ZMYND11: variants seen among roughly 807,000 people sequenced by gnomAD.
The protein encoded by ZMYND11 is zinc finger MYND-type containing 11.
ZMYND11 carries 9 observed loss-of-function variants against 84.9 expected under a neutral mutation model. That is an observed-to-expected ratio of 0.11 (90% confidence interval 0.06 to 0.18). The LOEUF is 0.18. ZMYND11 is among the 10% of genes least tolerant of loss of function. The pLI, the probability that ZMYND11 is intolerant of heterozygous loss-of-function variation, is 1.00. For synonymous variants in ZMYND11, 250 were observed against 244.1 expected, an observed-to-expected ratio of 1.02 and a Z score of -0.23; for missense variants, 409 against 761.0, an observed-to-expected ratio of 0.54 and a Z score of 5.44.
intron 2 of ZMYND11, among the ~76,000 whole-genome samples, chr10:208,269 A>G (rs1944545584): frequency 2.0e-5 from 3 of 152,380 alleles, no homozygotes; most frequent in Admixed American, 1.3e-4. Context: ...ACCAAAAGCA[A>G]TGGCAACAAA....
At chr10:180,546 C>G (rs755575442) in intron 2 of ZMYND11, among the ~76,000 whole-genome samples, 2 of 152,094 alleles carry the variant, frequency 1.3e-5, no homozygotes, top group Non-Finnish European at 2.9e-5. Context: ...ATTACAGGCA[C>G]CCGCCACCAC....
chr10:201,237 TTA>T (rs925755511), intron 2 of ZMYND11, among the ~76,000 whole-genome samples: 4 of 152,084 alleles, frequency 2.6e-5, no homozygotes. Context: ...TAAAATAAAT[TTA>T]TGTTACCATC....
At position 239,204 on chromosome 10, in the gene ZMYND11, T is replaced by C. The variant is rs191813293; in HGVS notation, c.610-234T>C. Among the ~76,000 whole-genome samples the C allele has an allele frequency of 7.2e-5, 11 of 152,348 alleles. No individual in the cohort carries two copies. The East Asian group carries it at 1.7e-3, about 24-fold the overall frequency. Reference sequence around the variant, plus strand: ...ATTAAAGTTCACTCTGATAAATTAATGTAGTGTCTTTGTGGCTGCGGGATA... The same window carrying C: ...ATTAAAGTTCACTCTGATAAATTAACGTAGTGTCTTTGTGGCTGCGGGATA... On this transcript the variant is annotated intron_variant, in intron 6 of 14. Transcript: ENST00000381604.
chr10:252,535 A>G lies in ZMYND11; in HGVS notation c.*65A>G. ...TCAGACACAGCGGTTTTTGTTTCCA[A>G]GAAGCCAAAATTGTTTAGAATTTGC... On this transcript the variant is annotated 3_prime_UTR_variant, in exon 15 of 15. Transcript: ENST00000381604. This position sits in a 1 kb window ranked among gnomAD's most constrained non-coding sequence, Gnocchi z 4.6. 3 of 1,531,198 alleles carry G rather than the reference A, an allele frequency of 2.0e-6. No individual in the cohort carries two copies. The highest frequency in any genetic ancestry group is 3.9e-5 in the Admixed American group (2 of 50,656). The allele number at this position is 1,531,198 out of a possible 1,614,324, so 94.9% of individuals were successfully genotyped here. A position where few individuals can be genotyped will look rare whatever the true frequency, so the allele number is the denominator to read the frequency against.
At chr10:167,176 C>G (rs1287819558) in intron 1 of ZMYND11, among the ~76,000 whole-genome samples, 1 of 152,044 alleles carries the variant, frequency 6.6e-6, no homozygotes, top group Non-Finnish European at 1.5e-5. Context: ...TTGCAAAACA[C>G]TGGGAATGTA....
intron 2 of ZMYND11, among the ~76,000 whole-genome samples, chr10:207,318 T>C (rs1944375973): frequency 6.6e-6 from 1 of 152,244 alleles, no homozygotes; most frequent in Non-Finnish European, 1.5e-5. Context: ...TGTGTCTTTA[T>C]AGCAGCATGA....
intron 1 of ZMYND11, among the ~76,000 whole-genome samples, chr10:173,325 A>G (rs1845811156): frequency 6.6e-6 from 1 of 152,224 alleles, no homozygotes; most frequent in Non-Finnish European, 1.5e-5. Context: ...TCTGTCAAAG[A>G]TAATGTCAAG....
chr10:247,577 T>C, intron 12 of ZMYND11, 111 bp downstream of exon 12: 1 of 1,181,352 alleles, frequency 8.5e-7, no homozygotes, highest in East Asian at 2.6e-5. Context: ...TGGATACTTG[T>C]GAAATTCAGC....
intron 1 of ZMYND11, among the ~76,000 whole-genome samples, chr10:164,950 AATC>A (rs1554763287): frequency 1.3e-5 from 2 of 151,778 alleles, no homozygotes; most frequent in Admixed American, 6.5e-5. Context: ...ATTTTTGAAA[AATC>A]ATGTGTATGT....
chr10:221,545 A>G (rs995990921), intron 4 of ZMYND11, among the ~76,000 whole-genome samples, 189 bp downstream of exon 4: 3 of 152,168 alleles, frequency 2.0e-5, no homozygotes, highest in African/African-American at 7.2e-5. Flanking sequence ...CAGGGTGTGG[A>G]TTTTAGAAAG....
chr10:166,938 C>T (rs577138590), intron 1 of ZMYND11, among the ~76,000 whole-genome samples: 12 of 152,012 alleles, frequency 7.9e-5, no homozygotes, highest in Admixed American at 2.0e-4. Context: ...AGTACTGGCA[C>T]GTGCAACAAA....
chr10:159,367 A>G (rs2131459279), intron 1 of ZMYND11, among the ~76,000 whole-genome samples: 1 of 152,222 alleles, frequency 6.6e-6, no homozygotes, highest in South Asian at 2.1e-4. Flanking sequence ...GTAGCGTATG[A>G]GAATCCCTAT....
At chr10:199,607 T>A (rs987418168) in intron 2 of ZMYND11, among the ~76,000 whole-genome samples, 53 of 151,640 alleles carry the variant, frequency 3.5e-4, no homozygotes, top group Non-Finnish European at 1.6e-4. Flanking sequence ...TTTTTTAAAA[T>A]TTTTTTTGTA....
At chr10:162,912 C>T (rs1843230207) in intron 1 of ZMYND11, among the ~76,000 whole-genome samples, 4 of 152,136 alleles carry the variant, frequency 2.6e-5, no homozygotes, top group Admixed American at 1.3e-4. Context: ...GACTTTTTTA[C>T]AGGTCTGCTA....
At chr10:164,244 C>T (rs571421210) in intron 1 of ZMYND11, among the ~76,000 whole-genome samples, 2 of 152,140 alleles carry the variant, frequency 1.3e-5, no homozygotes, top group Middle Eastern at 6.8e-3. Flanking sequence ...TCAAACATAC[C>T]GAGTTCTTTC....
rs759453080 is a variant in ZMYND11 at position 179,974 on chromosome 10, G to A, written c.-19-20G>A. On this transcript the variant is annotated intron_variant, in intron 1 of 14. Transcript: ENST00000381604. ...TTTGTAATCTGTTTTTTTCCCTTAT[G>A]TTTTTGTTTATTACTGCAGCTAAAG... The A allele has an allele frequency of 2.0e-6, 3 of 1,464,356 alleles. No homozygotes were observed. The highest frequency in any genetic ancestry group is 1.2e-5 in the South Asian group (1 of 84,654). The allele number at this position is 1,464,356 out of a possible 1,614,324, so 90.7% of individuals were successfully genotyped here.
At chr10:227,994 A>AT (rs1226415976) in intron 4 of ZMYND11, among the ~76,000 whole-genome samples, 13 of 152,222 alleles carry the variant, frequency 8.5e-5, no homozygotes, top group Non-Finnish European at 1.8e-4. Flanking sequence ...ACAACTTATA[A>AT]TTTTATACTA....
intron 3 of ZMYND11, among the ~76,000 whole-genome samples, chr10:213,320 C>T (rs1270428082): frequency 6.6e-6 from 1 of 152,164 alleles, no homozygotes; most frequent in Admixed American, 6.5e-5. Context: ...TAATGATTGT[C>T]CTACATGCCA....
intron 2 of ZMYND11, among the ~76,000 whole-genome samples, chr10:180,605 T>C (rs2130717690): frequency 6.6e-6 from 1 of 152,366 alleles, no homozygotes; most frequent in Non-Finnish European, 1.5e-5. Context: ...TTCACCATGT[T>C]GGCCAGGCTG....
Sources: gnomAD v4.1 joint callset for allele counts (sites outside exome capture counted in the v4.1 genomes callset) on GRCh38, gnomAD v4.1.1 for gene constraint, Gnocchi (gnomAD v3.1) non-coding constraint, MANE v1.5 for transcripts, NCBI Gene and HGNC (gene_info 2026-07-23, HGNC 2026-07-21) for gene names.